NLRP12: variants seen among roughly 807,000 people sequenced by gnomAD.
NLRP12 encodes NACHT, LRR and PYD domains-containing protein 12.
Under a neutral mutation model 91.2 loss-of-function variants are expected in NLRP12, and 108 were observed. The ratio of observed to expected loss-of-function variants is 1.18; its 90% CI spans 1.01 to 1.39. The LOEUF is 1.39. NLRP12 is among the 40% of genes most tolerant of loss of function. The probability of loss-of-function intolerance (pLI) is 0.00; values close to 1 mark genes in which losing one functional copy is unlikely to be tolerated. For synonymous variants in NLRP12, 613 were observed against 566.7 expected, an observed-to-expected ratio of 1.08 and a Z score of -1.16; for missense variants, 1,530 against 1,352.7, an observed-to-expected ratio of 1.13 and a Z score of -2.06.
chr19:53,822,216 C>A (rs1211253043), intron 1 of NLRP12, among the ~76,000 whole-genome samples: 4 of 152,122 alleles, frequency 2.6e-5, no homozygotes, highest in Admixed American at 1.3e-4. Context: ...CAAACCTGCA[C>A]ATGTACCCCT....
chr19:53,803,977 G>T lies in NLRP12; in HGVS notation c.2560C>A (p.Pro854Thr). 1 of 1,614,050 alleles carries T rather than the reference G, an allele frequency of 6.2e-7. No homozygotes were observed. Among genetic ancestry groups the T allele is most frequent in the Non-Finnish European group, 8.5e-7 (1 of 1,180,000 alleles). ...CACAAAGTCCGTAGTCTGCAGACTG[G>T]GTGCCTCAGTCCCTGGCATAGTAAC... is the stretch of plus-strand genomic sequence containing the variant. The part of the protein sequence containing the change: ...LRLLCQGLRH[P>T]VCRLRTLWLK... The change falls in exon 6 of 10, where the codon CCA becomes ACA. Residue 854 changes from proline to threonine, a missense_variant. Pro to Thr is a conservative substitution (Grantham distance 38, BLOSUM62 -1). Transcript: ENST00000324134.
At position 53,801,353 on chromosome 19, in the gene NLRP12, G is replaced by A. The variant is rs2091867716; in HGVS notation, c.2630C>T (p.Ala877Val). ...RLTAAACDEL[A>V]STLSVNQSLR... ...GCTCTGGTTCACACTGAGAGTTGAG[G>A]CCAGCTCGTCACAGGCAGCAGCAGT... is the stretch of plus-strand genomic sequence containing the variant. The change falls in exon 7 of 10, where the codon GCC becomes GTC. Residue 877 changes from alanine to valine, a missense_variant. By Grantham distance (64) the Ala-to-Val change is moderately conservative. Coordinates refer to ENST00000324134, the MANE Select transcript of NLRP12 (RefSeq NM_144687.4). The A allele has an allele frequency of 1.9e-6, 3 of 1,613,792 alleles. No homozygotes were observed. Among genetic ancestry groups the A allele is most frequent in the Non-Finnish European group, 2.5e-6 (3 of 1,179,986 alleles).
In NLRP12 at chr19:53,801,883, G is replaced by C. The variant is rs139374527; in HGVS notation, c.2586-486C>G. On this transcript the variant is annotated intron_variant, in intron 6 of 9. Transcript: ENST00000324134. The stretch of plus-strand genomic sequence containing the variant: ...CGAGGCTGGCAGATCACCTGAGGTC[G>C]GGAGTTTGAGACCAGCCTGACCAAC... 3.8e-4 allele frequency among the ~76,000 whole-genome samples: 58 copies of C among 151,800 alleles called. No homozygotes were observed. The South Asian group carries it at 1.0e-2, about 26-fold the overall frequency.
At position 53,810,543 on chromosome 19, in the gene NLRP12, T is replaced by G. The variant is rs759268847; in HGVS notation, c.1116A>C (p.Glu372Asp). 10 of 1,614,148 alleles carry G rather than the reference T, an allele frequency of 6.2e-6. No individual in the cohort carries two copies. The South Asian group carries it at 9.9e-5, about 16-fold the overall frequency. ...ILGFSEAERK[E>D]YFYKYFHNAE... ...CATTGTGGAAATACTTGTAGAAGTATTCCTTCCTTTCTGCCTCAGAGAAGC... is the reference window on the plus strand; with the variant it reads ...CATTGTGGAAATACTTGTAGAAGTAGTCCTTCCTTTCTGCCTCAGAGAAGC... The change falls in exon 3 of 10, where the codon GAA becomes GAC. Residue 372 changes from glutamate to aspartate, a missense_variant. Coordinates refer to ENST00000324134, the MANE Select transcript of NLRP12 (RefSeq NM_144687.4).
chr19:53,808,428 G>A (rs542093888), intron 3 of NLRP12: 13 of 153,858 alleles, frequency 8.4e-5, no homozygotes, highest in Admixed American at 7.1e-4. Context: ...TGGGTCCACC[G>A]ATAAAAGGGA....
intron 7 of NLRP12, among the ~76,000 whole-genome samples, chr19:53,799,646 C>A (rs12104354): frequency 3.3e-5 from 5 of 152,014 alleles, no homozygotes; most frequent in African/African-American, 1.2e-4. Flanking sequence ...CCATGCCTGG[C>A]TAATTTTTAT....
At chr19:53,823,802 A>C in intron 1 of NLRP12, 84 bp downstream of exon 1, 2 of 1,496,378 alleles carry the variant, frequency 1.3e-6, no homozygotes, top group East Asian at 4.5e-5. Context: ...TGCCCTCTTC[A>C]GCCTCCCAAA....
At position 53,824,071 on chromosome 19, in the gene NLRP12, G is replaced by A. The variant is rs373357561; in HGVS notation, c.104C>T (p.Ala35Val). The A allele has an allele frequency of 1.3e-5, 21 of 1,613,948 alleles. No individual in the cohort carries two copies. The highest frequency in any genetic ancestry group is 2.7e-5 in the African/African-American group (2 of 74,876). Residue 35 changes from alanine to valine, a missense_variant, in exon 1 of 10, where the codon GCG (alanine) becomes GTG (valine). Coordinates refer to ENST00000324134, the MANE Select transcript of NLRP12 (RefSeq NM_144687.4). The stretch of plus-strand genomic sequence containing the variant: ...GATCTTGCCTTCTCCCAGCTCTGTC[G>A]CGGTCCCCAGGTATAACTTGAACTT... ...LKKFKLYLGTATELGEGKIPW... is the reference protein window; with the variant it reads ...LKKFKLYLGTVTELGEGKIPW...
chr19:53,822,510 A>G (rs1401550831), intron 1 of NLRP12, among the ~76,000 whole-genome samples: 1 of 151,944 alleles, frequency 6.6e-6, no homozygotes, highest in Non-Finnish European at 1.5e-5. Context: ...AGGTGGGTGG[A>G]TCACGAGGTC....
Position 53,811,056 on chromosome 19 carries a change from C to T in NLRP12, c.603G>A (p.Glu201=). 1 of 1,612,608 alleles carries T rather than the reference C, an allele frequency of 6.2e-7. No homozygotes were observed. The highest frequency in any genetic ancestry group is 8.5e-7 in the Non-Finnish European group (1 of 1,178,794). The part of the protein sequence containing the change: ...ASPIKIETLF[E]PDEERPEPPR... ...GTGGCTCGGGGCGCTCCTCGTCTGG[C>T]TCAAAGAGGGTCTCTATCTTGATGG... Residue 201 remains glutamate (E), a synonymous_variant, in exon 3 of 10, where the codon GAG becomes GAA. Transcript: ENST00000324134.
rs56027837 is a variant in NLRP12 at position 53,795,107 on chromosome 19, C to CGTGT, written c.3098+748_3098+751dup. Among the ~76,000 whole-genome samples, 652 of 85,484 alleles carry CGTGT rather than the reference C, an allele frequency of 7.6e-3. 7 individuals carry two copies. Among genetic ancestry groups the CGTGT allele is most frequent in the Admixed American group, 0.036 (342 of 9,542 alleles). 56.1% of individuals were successfully genotyped at this position (85,484 alleles called of 152,430 possible). ...TGTGTGCCACCATACCTGGTGTGTG[C>CGTGT]GTGTGTGTGTGTGTGTGTGTGTGTG... On this transcript the variant is annotated intron_variant, in intron 9 of 9. Coordinates refer to ENST00000324134, the MANE Select transcript of NLRP12 (RefSeq NM_144687.4).
chr19:53,801,118 G>T, intron 7 of NLRP12, 109 bp downstream of exon 7: 15 of 897,790 alleles, frequency 1.7e-5, no homozygotes, highest in Non-Finnish European at 2.5e-5. Flanking sequence ...AAAGGCTGAT[G>T]TAGTAGCTAG....
At chr19:53,807,727 G>A in intron 3 of NLRP12, 62 bp from the exon 4 acceptor site, 72 of 1,572,108 alleles carry the variant, frequency 4.6e-5, no homozygotes, top group Non-Finnish European at 6.0e-5. Context: ...TATGGCCTTT[G>A]CATGTCATTT....
intron 1 of NLRP12, among the ~76,000 whole-genome samples, chr19:53,819,457 A>ATGTGTGTGTGTG (rs1208045764): frequency 0.015 from 70 of 4,590 alleles, 14 homozygotes; most frequent in Non-Finnish European, 0.02. Context: ...ATATATATAT[A>ATGTGTGTGTGTG]TGTGTGTGTG....
intron 9 of NLRP12, among the ~76,000 whole-genome samples, chr19:53,795,455 A>G (rs547831908): frequency 1.2e-3 from 183 of 151,590 alleles, no homozygotes; most frequent in African/African-American, 4.2e-3. Context: ...GGTCACTGCA[A>G]GCTCCACCTC....
chr19:53,822,922 C>G (rs2092280416), intron 1 of NLRP12, among the ~76,000 whole-genome samples: 1 of 151,622 alleles, frequency 6.6e-6, no homozygotes, highest in African/African-American at 2.4e-5. Flanking sequence ...CGTGTGCCAC[C>G]ACGCCTGGCT....
chr19:53,815,241 T>C (rs1159780638), intron 1 of NLRP12, among the ~76,000 whole-genome samples: 1 of 148,510 alleles, frequency 6.7e-6, no homozygotes, highest in Admixed American at 6.8e-5. Context: ...TTTTTTTTTT[T>C]TTTTTGAGAC....
rs2092163581 is a variant in NLRP12, at chr19:53,816,607, C to T, written c.290-1619G>A. Among the ~76,000 whole-genome samples, 4 of 152,220 alleles carry T rather than the reference C, an allele frequency of 2.6e-5. No individual in the cohort carries two copies. In the South Asian group the frequency reaches 8.3e-4, roughly 32 times the overall value. On this transcript the variant is annotated intron_variant, in intron 1 of 9. Coordinates refer to ENST00000324134, the MANE Select transcript of NLRP12 (RefSeq NM_144687.4). Reference sequence around the variant, plus strand: ...CGCGATCTCGGCTCACTACAATCTTCACCTCCCAGGTTTAAGTGATTCTCC... The same window carrying T: ...CGCGATCTCGGCTCACTACAATCTTTACCTCCCAGGTTTAAGTGATTCTCC...
Position 53,795,880 on chromosome 19 carries a change from CCAGGATGGCT to C in NLRP12, c.3067_3076del (p.Ser1023AlafsTer14). On this transcript the variant is annotated frameshift_variant, in exon 9 of 10. Coordinates refer to ENST00000324134, the MANE Select transcript of NLRP12 (RefSeq NM_144687.4). LOFTEE classifies it low-confidence loss of function (END_TRUNC). ...TCACCAGAGGACTCGGAGTTTGCAG[CCAGGATGGCT>C]CAGCCGCTTGCAAAGCAGTCGGACA... The C allele has an allele frequency of 6.2e-7, 1 of 1,614,148 alleles. No individual in the cohort carries two copies.
Sources: allele counts gnomAD v4.1 joint callset (sites outside exome capture counted in the v4.1 genomes callset), GRCh38; gene constraint gnomAD v4.1.1; transcripts MANE v1.5; gene names NCBI Gene and HGNC (gene_info 2026-07-23, HGNC 2026-07-21).